MAGI3: variants seen among roughly 807,000 people sequenced by gnomAD.
The protein encoded by MAGI3 is membrane-associated guanylate kinase, WW and PDZ domain-containing protein 3.
A neutral mutation model predicts 121.8 loss-of-function variants in MAGI3; 43 were observed. That is an observed-to-expected ratio of 0.35 (90% confidence interval 0.28 to 0.46). MAGI3 has a LOEUF of 0.46. MAGI3 is among the 20% of genes least tolerant of loss of function. The pLI, the probability that MAGI3 is intolerant of heterozygous loss-of-function variation, is 1.00. For missense variants in MAGI3, 1,547 were observed against 1,797.3 expected (o/e 0.86, Z 2.52); for synonymous variants, 553 against 639.3 (o/e 0.86, Z 2.04).
intron 4 of MAGI3, among the ~76,000 whole-genome samples, chr1:113,586,110 C>G (rs888559592): frequency 6.6e-6 from 1 of 152,110 alleles, no homozygotes; most frequent in Non-Finnish European, 1.5e-5. Flanking sequence ...AACAGAAATT[C>G]AGTGGTGAAG....
chr1:113,513,965 G>A (rs1242191040), intron 1 of MAGI3, among the ~76,000 whole-genome samples: 2 of 151,846 alleles, frequency 1.3e-5, no homozygotes, highest in African/African-American at 4.8e-5. Context: ...GTGGGTGAAG[G>A]ACATGAACAG....
At chr1:113,487,015 A>G (rs566066723) in intron 1 of MAGI3, among the ~76,000 whole-genome samples, 2 of 152,256 alleles carry the variant, frequency 1.3e-5, no homozygotes, top group South Asian at 4.1e-4. Context: ...CCAGCCTACA[A>G]AGTCTTGAGG....
At position 113,438,936 on chromosome 1, in the gene MAGI3, TGTTAA is replaced by T. The variant is rs148913472; in HGVS notation, c.316+47591_316+47595del. On this transcript the variant is annotated intron_variant, in intron 1 of 20. Coordinates refer to ENST00000307546, the MANE Select transcript of MAGI3 (RefSeq NM_001142782.2). ...CTCAGCATTCAATTTCTTTTTCCCT[TGTTAA>T]GTTGAGAACTTTTACCTTTTCACTT... Among the ~76,000 whole-genome samples, 246 of 152,342 alleles carry T rather than the reference TGTTAA, an allele frequency of 1.6e-3. 1 individual carries two copies. The highest frequency in any genetic ancestry group is 5.7e-3 in the African/African-American group (237 of 41,572).
At chr1:113,514,893 G>A (rs1657810710) in intron 1 of MAGI3, among the ~76,000 whole-genome samples, 1 of 152,012 alleles carries the variant, frequency 6.6e-6, no homozygotes, top group Non-Finnish European at 1.5e-5. Flanking sequence ...ATATTACAGT[G>A]TAAAATTTGA....
intron 1 of MAGI3, among the ~76,000 whole-genome samples, chr1:113,457,091 C>A (rs554296950): frequency 6.6e-6 from 1 of 152,102 alleles, no homozygotes; most frequent in Admixed American, 6.5e-5. Flanking sequence ...TTTCCAAGCT[C>A]CTTTGTGTTT....
rs551806945 is a variant in MAGI3 at position 113,593,814 on chromosome 1, G to A, written c.939-667G>A. 3.3e-5 allele frequency among the ~76,000 whole-genome samples: 5 copies of A among 152,284 alleles called. No individual in the cohort carries two copies. The South Asian group carries it at 1.0e-3, about 32-fold the overall frequency. On this transcript the variant is annotated intron_variant, in intron 5 of 20. Transcript: ENST00000307546. ...TCTTTGGCCTATATCATAAAATGAA[G>A]CAGGGGCAGGATATTTTTATTCCTC... is the stretch of plus-strand genomic sequence containing the variant.
chr1:113,666,171 T>G (rs1444709136), intron 16 of MAGI3, among the ~76,000 whole-genome samples: 1 of 152,222 alleles, frequency 6.6e-6, no homozygotes, highest in East Asian at 1.9e-4. Context: ...TGGTAGTTAC[T>G]GAAGGTTGAG....
chr1:113,593,598 A>G (rs566599055), intron 5 of MAGI3, among the ~76,000 whole-genome samples: 3 of 152,178 alleles, frequency 2.0e-5, no homozygotes, highest in African/African-American at 7.2e-5. Flanking sequence ...TTCCCTTCCT[A>G]TGTATTTTCT....
chr1:113,670,024 AAG>A (rs1647442573), intron 16 of MAGI3, among the ~76,000 whole-genome samples: 1 of 151,162 alleles, frequency 6.6e-6, no homozygotes, highest in South Asian at 2.1e-4. Context: ...AAAAAAAAAA[AAG>A]TTCATAGCCC....
At chr1:113,601,414 C>T (rs1193297777) in intron 6 of MAGI3, among the ~76,000 whole-genome samples, 1 of 150,790 alleles carries the variant, frequency 6.6e-6, no homozygotes, top group African/African-American at 2.4e-5. Context: ...GGGCAAAGGA[C>T]ATGAACAGAC....
In MAGI3 at chr1:113,585,575, A is replaced by G. The variant is rs745356677; in HGVS notation, c.742A>G (p.Ile248Val). 1.9e-6 allele frequency: 3 copies of G among 1,613,764 alleles called. No individual in the cohort carries two copies. The South Asian group carries it at 3.3e-5, about 18-fold the overall frequency. The change falls in exon 4 of 21, where the codon ATT (isoleucine) becomes GTT (valine). Residue 248 changes from isoleucine (I) to valine (V), a missense_variant. Transcript: ENST00000307546. ...GGAAGAAGATGAGGACAAGGAAGCT[A>G]TTAATGGCAGTGGAAACGCAGGTTT... is the stretch of plus-strand genomic sequence containing the variant. ...EEEEDEDKEA[I>V]NGSGNAENRE...
At chr1:113,445,419 TAGTG>T (rs1443026210) in intron 1 of MAGI3, among the ~76,000 whole-genome samples, 1 of 151,888 alleles carries the variant, frequency 6.6e-6, no homozygotes, top group Middle Eastern at 3.2e-3. Flanking sequence ...CTGGGCAACA[TAGTG>T]AGAACCCACC....
intron 15 of MAGI3, among the ~76,000 whole-genome samples, chr1:113,655,952 T>C (rs1446534667): frequency 1.3e-5 from 2 of 152,154 alleles, no homozygotes; most frequent in Non-Finnish European, 2.9e-5. Flanking sequence ...TAACTTTTCT[T>C]TTAAAAAAAA....
chr1:113,536,342 G>A (rs1409870779), intron 1 of MAGI3, among the ~76,000 whole-genome samples: 2 of 152,048 alleles, frequency 1.3e-5, no homozygotes, highest in Non-Finnish European at 2.9e-5. Flanking sequence ...ATCTAATACA[G>A]TTTTCCAGAT....
At chr1:113,474,159 A>G (rs746174463) in intron 1 of MAGI3, among the ~76,000 whole-genome samples, 1 of 152,152 alleles carries the variant, frequency 6.6e-6, no homozygotes, top group Non-Finnish European at 1.5e-5. Context: ...GATTCTGGAT[A>G]TTAGCCATTT....
intron 16 of MAGI3, among the ~76,000 whole-genome samples, chr1:113,668,569 CTTTTTTTT>C (rs370302032): frequency 1.1e-5 from 1 of 94,850 alleles, no homozygotes; most frequent in Non-Finnish European, 2.0e-5. Context: ...AAACATGTAA[CTTTTTTTT>C]TTTTTTTTTT....
intron 1 of MAGI3, among the ~76,000 whole-genome samples, chr1:113,490,112 A>C (rs1302611517): frequency 6.6e-6 from 1 of 152,168 alleles, no homozygotes. Flanking sequence ...GGTCAAAATG[A>C]ATGAAAAAAA....
intron 9 of MAGI3, among the ~76,000 whole-genome samples, chr1:113,639,944 T>C (rs1652347724): frequency 6.6e-6 from 1 of 152,102 alleles, no homozygotes; most frequent in South Asian, 2.1e-4. Context: ...ACCTCAGGTG[T>C]ACTGGGATTA....
intron 1 of MAGI3, among the ~76,000 whole-genome samples, chr1:113,531,710 C>CG (rs1239644335): frequency 0.018 from 54 of 2,966 alleles, no homozygotes; most frequent in African/African-American, 0.058. Context: ...AGTGGTATTG[C>CG]GGGGGGTGGG....
Sources: allele counts gnomAD v4.1 joint callset (sites outside exome capture counted in the v4.1 genomes callset), GRCh38; gene constraint gnomAD v4.1.1; transcripts MANE v1.5; gene names NCBI Gene and HGNC (gene_info 2026-07-23, HGNC 2026-07-21).